The following PIBF1 variants were observed in gnomAD, a reference collection of about 807,000 sequenced individuals.
PIBF1 encodes progesterone immunomodulatory binding factor 1.
In PIBF1, 90 loss-of-function variants were observed where a neutral mutation model predicts 112.5. The ratio of observed to expected loss-of-function variants is 0.80; its 90% confidence interval spans 0.67 to 0.95. The LOEUF is 0.95. PIBF1 is among the 40% of genes least tolerant of loss of function. The pLI, the probability that PIBF1 is intolerant of heterozygous loss-of-function variation, is 0.00. For synonymous variants in PIBF1, 301 were observed against 288.6 expected (o/e 1.04, Z -0.44); for missense variants, 915 against 852.3 (o/e 1.07, Z -0.92).
At chr13:72,793,504 G>A (rs2043976) in intron 3 of PIBF1, among the ~76,000 whole-genome samples, 47,292 of 152,012 alleles carry the variant, frequency 0.31, 8,913 homozygotes, top group African/African-American at 0.53. Context: ...CATTTTTACT[G>A]GGTTCGCAGG....
intron 2 of PIBF1, among the ~76,000 whole-genome samples, chr13:72,786,799 G>T (rs2034621384): frequency 6.6e-6 from 1 of 152,106 alleles, no homozygotes. Context: ...GAGCACTCAG[G>T]ATTCTCTGCT....
intron 14 of PIBF1, among the ~76,000 whole-genome samples, chr13:72,946,753 C>G (rs954807042): frequency 2.0e-5 from 3 of 152,314 alleles, no homozygotes; most frequent in Middle Eastern, 3.4e-3. Context: ...TCTTAAAGCT[C>G]CGAAATGACC....
intron 13 of PIBF1, among the ~76,000 whole-genome samples, chr13:72,927,618 C>T (rs1227085255): frequency 6.6e-6 from 1 of 152,046 alleles, no homozygotes; most frequent in African/African-American, 2.4e-5. Context: ...AACTCCTGGC[C>T]TCAAGTGATC....
chr13:73,001,582 C>CTGTTTTTTTTTTTTTTTTTTT (rs2043867544), intron 17 of PIBF1, among the ~76,000 whole-genome samples: 3 of 29,160 alleles, frequency 1.0e-4, no homozygotes, highest in Non-Finnish European at 1.5e-4. Context: ...AAGAGCTTGA[C>CTGTTTTTTTTTTTTTTTTTTT]TTTTTTTTTT....
chr13:72,824,568 G>A (rs1357046900), intron 6 of PIBF1, among the ~76,000 whole-genome samples: 1 of 151,594 alleles, frequency 6.6e-6, no homozygotes, highest in Non-Finnish European at 1.5e-5. Context: ...ATCCTTTTTG[G>A]GAAAGAGGAT....
intron 10 of PIBF1, among the ~76,000 whole-genome samples, chr13:72,888,870 A>G (rs2039956259): frequency 6.6e-6 from 1 of 152,084 alleles, no homozygotes. Flanking sequence ...AGTCACAGTG[A>G]TTATCTCTCA....
intron 15 of PIBF1, among the ~76,000 whole-genome samples, chr13:72,972,536 C>T (rs1288773643): frequency 1.3e-5 from 2 of 151,994 alleles, no homozygotes; most frequent in Non-Finnish European, 2.9e-5. Flanking sequence ...TGGTGGCACA[C>T]ACCTGTAGTC....
intron 10 of PIBF1, among the ~76,000 whole-genome samples, chr13:72,877,748 C>T (rs1214102424): frequency 1.4e-5 from 2 of 147,656 alleles, no homozygotes; most frequent in African/African-American, 2.5e-5. Context: ...TTTTTCTTTT[C>T]TTTTCTTTTT....
chr13:72,787,783 C>T (rs1014601083), intron 2 of PIBF1, among the ~76,000 whole-genome samples: 13 of 152,204 alleles, frequency 8.5e-5, no homozygotes, highest in East Asian at 1.9e-4. Flanking sequence ...CTCAGCCTCC[C>T]GAGTAGCTGG....
At chr13:72,981,484 T>C (rs996326236) in intron 16 of PIBF1, among the ~76,000 whole-genome samples, 3 of 151,950 alleles carry the variant, frequency 2.0e-5, no homozygotes, top group African/African-American at 7.2e-5. Flanking sequence ...CTTTTCCATT[T>C]TGAAGAATAG....
At chr13:72,863,111 A>G (rs2038766213) in intron 10 of PIBF1, among the ~76,000 whole-genome samples, 1 of 152,198 alleles carries the variant, frequency 6.6e-6, no homozygotes, top group African/African-American at 2.4e-5. Context: ...ATTTAAAACT[A>G]TAAATGGAAC....
Position 72,973,576 on chromosome 13 carries a change from G to GT in PIBF1, c.1965-15_1965-14insT, listed in dbSNP as rs1237547036. 1.0e-5 allele frequency: 14 copies of GT among 1,395,210 alleles called. No homozygotes were observed. The highest frequency in any genetic ancestry group is 3.9e-5 in the South Asian group (3 of 77,566). The allele number at this position is 1,395,210 out of a possible 1,614,324, so 86.4% of individuals were successfully genotyped here. On this transcript the variant is annotated splice_polypyrimidine_tract_variant and intron_variant, in intron 15 of 17. Transcript: ENST00000326291. Reference sequence around the variant, plus strand: ...TAACATAATGACTTTTTAAAACTGGGGTTTTTTTTTTCAGCAACTTAAATA... The same window carrying GT: ...TAACATAATGACTTTTTAAAACTGGGTGTTTTTTTTTTCAGCAACTTAAATA...
intron 8 of PIBF1, among the ~76,000 whole-genome samples, chr13:72,834,507 G>A (rs1166686119): frequency 6.6e-6 from 1 of 152,102 alleles, no homozygotes; most frequent in African/African-American, 2.4e-5. Context: ...AGCACATGTA[G>A]TCCTGCCTAC....
intron 10 of PIBF1, chr13:72,881,314 T>C (rs1434460829): frequency 6.6e-6 from 1 of 152,188 alleles, no homozygotes; most frequent in Non-Finnish European, 1.5e-5. Context: ...AAAATCAGTG[T>C]ACCAAAATCA....
At chr13:72,809,155 T>A (rs993691503) in intron 5 of PIBF1, among the ~76,000 whole-genome samples, 2 of 137,212 alleles carry the variant, frequency 1.5e-5, no homozygotes, top group East Asian at 2.2e-4. Context: ...TTTTTTTTTT[T>A]AATTAAACCT....
At chr13:72,948,814 GA>G (rs111951071) in intron 14 of PIBF1, among the ~76,000 whole-genome samples, 5 of 152,298 alleles carry the variant, frequency 3.3e-5, no homozygotes, top group South Asian at 2.1e-4. Flanking sequence ...ACAAAGGGGG[GA>G]AAGCCCCTTA....
intron 3 of PIBF1, among the ~76,000 whole-genome samples, chr13:72,793,019 A>G (rs1004128745): frequency 3.3e-5 from 5 of 152,248 alleles, no homozygotes; most frequent in Non-Finnish European, 4.4e-5. Flanking sequence ...GAACGATTCA[A>G]TAAAAGGAAC....
intron 14 of PIBF1, among the ~76,000 whole-genome samples, chr13:72,955,620 C>T (rs2042425397): frequency 6.6e-6 from 1 of 152,080 alleles, no homozygotes; most frequent in South Asian, 2.1e-4. Flanking sequence ...TACATACACA[C>T]ACACACACAT....
At chr13:73,008,162 GAAT>G (rs926188539) in intron 17 of PIBF1, among the ~76,000 whole-genome samples, 2 of 152,150 alleles carry the variant, frequency 1.3e-5, no homozygotes, top group African/African-American at 2.4e-5. Flanking sequence ...GAATTTCAGA[GAAT>G]AATATAACCG....
Sources: gnomAD v4.1 joint callset for allele counts (sites outside exome capture counted in the v4.1 genomes callset) on GRCh38, gnomAD v4.1.1 for gene constraint, MANE v1.5 for transcripts, NCBI Gene and HGNC (gene_info 2026-07-23, HGNC 2026-07-21) for gene names.